Variants in FOCAD observed in about 807,000 individuals in gnomAD.
The protein encoded by FOCAD is focadhesin.
Under a neutral mutation model 225.6 loss-of-function variants are expected in FOCAD, and 198 were observed. The observed-to-expected ratio is 0.88, with a 90% CI of 0.78 to 0.99. The LOEUF is 0.99. FOCAD is among the 50% of genes least tolerant of loss of function. FOCAD has a pLI of 0.00. For missense variants in FOCAD, 2,713 were observed against 2,123.6 expected, an observed-to-expected ratio of 1.28 and a Z score of -5.46; for synonymous variants, 897 against 755.0, an observed-to-expected ratio of 1.19 and a Z score of -3.08.
chr9:20,974,173 T>A (rs1840027362), intron 35 of FOCAD, among the ~76,000 whole-genome samples: 2 of 148,212 alleles, frequency 1.3e-5, no homozygotes, highest in Admixed American at 6.7e-5. Context: ...TTTTTCCTGC[T>A]GACTCTTGCT....
In FOCAD at chr9:20,789,473, A is replaced by G. The variant is rs931766601; in HGVS notation, c.1320A>G (p.Ser440=). The change falls in exon 11 of 44, where the codon TCA becomes TCG. Residue 440 remains serine (S), a synonymous_variant. Coordinates refer to ENST00000338382, the MANE Select transcript of FOCAD (RefSeq NM_001375567.1). ...GTGACTGGTTGGCTTCAGTAGAGTCATTGCTTCCTATTACTGCTGTGATCC... is the reference window on the plus strand; with the variant it reads ...GTGACTGGTTGGCTTCAGTAGAGTCGTTGCTTCCTATTACTGCTGTGATCC... ...AASDWLASVE[S]LLPITAVIPA... The G allele has an allele frequency of 3.7e-6, 6 of 1,613,872 alleles. No homozygotes were observed. Among genetic ancestry groups the G allele is most frequent in the Non-Finnish European group, 5.1e-6 (6 of 1,179,986 alleles).
At chr9:20,972,716 C>A (rs1439441971) in intron 35 of FOCAD, among the ~76,000 whole-genome samples, 8 of 152,028 alleles carry the variant, frequency 5.3e-5, no homozygotes, top group African/African-American at 1.9e-4. Flanking sequence ...TCTGTTAATT[C>A]TGTTTCTTTT....
Position 20,832,257 on chromosome 9 carries a change from C to T in FOCAD, c.1920+9142C>T, listed in dbSNP as rs779361217. ...CTATGCTTAACTGTTTTGAGGAATGCCATACTGTTTTCCAGAGTAGCAGTT... is the reference window on the plus strand; with the variant it reads ...CTATGCTTAACTGTTTTGAGGAATGTCATACTGTTTTCCAGAGTAGCAGTT... On this transcript the variant is annotated intron_variant, in intron 15 of 43. Transcript: ENST00000338382. 2.0e-5 allele frequency among the ~76,000 whole-genome samples: 3 copies of T among 151,894 alleles called. No homozygotes were observed. In the South Asian group the frequency reaches 6.2e-4, roughly 32 times the overall value.
At chr9:20,963,160 A>G (rs1430934700) in intron 35 of FOCAD, among the ~76,000 whole-genome samples, 1 of 152,220 alleles carries the variant, frequency 6.6e-6, no homozygotes, top group Non-Finnish European at 1.5e-5. Context: ...ATACTACTCA[A>G]TACTGATTCT....
chr9:20,769,286 C>G (rs575720421), intron 7 of FOCAD, among the ~76,000 whole-genome samples: 5 of 152,312 alleles, frequency 3.3e-5, no homozygotes, highest in Non-Finnish European at 7.4e-5. Context: ...TACTGCCGGT[C>G]AACCGTAGGC....
At chr9:20,832,915 G>A (rs148986446) in intron 15 of FOCAD, among the ~76,000 whole-genome samples, 53 of 152,216 alleles carry the variant, frequency 3.5e-4, no homozygotes, top group African/African-American at 1.2e-3. Context: ...AAACATGAGA[G>A]TGCAGATATC....
chr9:20,664,346 A>G (rs1275026496), intron 2 of FOCAD, among the ~76,000 whole-genome samples: 2 of 150,528 alleles, frequency 1.3e-5, no homozygotes, highest in South Asian at 2.1e-4. Context: ...AAAAGAGGTA[A>G]AAAGTAATAG....
At chr9:20,930,680 G>C (rs572895240) in intron 27 of FOCAD, among the ~76,000 whole-genome samples, 66 of 152,218 alleles carry the variant, frequency 4.3e-4, no homozygotes, top group African/African-American at 1.3e-3. Context: ...ATCATTTTCA[G>C]CTCTTAGAAA....
In FOCAD at chr9:20,874,865, T is replaced by C. The variant is rs946969205; in HGVS notation, c.2317+58T>C. 1.7e-5 allele frequency: 27 copies of C among 1,597,682 alleles called. No homozygotes were observed. In the Middle Eastern group the frequency reaches 1.3e-3, roughly 78 times the overall value. ...TTTTTTAGTGGTTCGATTTGTCTGA[T>C]TGTATTCTTTTGTGATAGGTACATA... On this transcript the variant is annotated intron_variant, in intron 19 of 43. Transcript: ENST00000338382.
chr9:20,668,305 A>G (rs1821954924), intron 2 of FOCAD, among the ~76,000 whole-genome samples: 1 of 152,236 alleles, frequency 6.6e-6, no homozygotes, highest in Non-Finnish European at 1.5e-5. Flanking sequence ...TAGATACAAA[A>G]AGAGAAGCAA....
At chr9:20,758,283 C>A in intron 6 of FOCAD, 92 bp downstream of exon 6, 1 of 785,976 alleles carries the variant, frequency 1.3e-6, no homozygotes, top group Non-Finnish European at 2.0e-6. Context: ...TTGTTTGTTT[C>A]TTTTTAGCTG....
intron 11 of FOCAD, among the ~76,000 whole-genome samples, chr9:20,819,052 T>C (rs1207489443): frequency 6.6e-6 from 1 of 152,142 alleles, no homozygotes. Context: ...AAATGAGGAC[T>C]TAGAGGGAAA....
intron 35 of FOCAD, among the ~76,000 whole-genome samples, chr9:20,967,764 T>C (rs890561959): frequency 6.6e-6 from 1 of 152,138 alleles, no homozygotes; most frequent in Non-Finnish European, 1.5e-5. Context: ...TTATTAATGT[T>C]ATATATTACC....
chr9:20,748,217 T>C (rs1246926229), intron 5 of FOCAD, among the ~76,000 whole-genome samples: 1 of 152,082 alleles, frequency 6.6e-6, no homozygotes, highest in Non-Finnish European at 1.5e-5. Flanking sequence ...TTAATTTTAT[T>C]TTTATTTTGC....
intron 36 of FOCAD, among the ~76,000 whole-genome samples, chr9:20,977,152 G>A (rs574771825): frequency 1.3e-5 from 2 of 152,124 alleles, no homozygotes; most frequent in Non-Finnish European, 2.9e-5. Context: ...GCAATAGAGG[G>A]CTAAGATCTT....
intron 35 of FOCAD, among the ~76,000 whole-genome samples, chr9:20,959,645 C>G (rs1838516418): frequency 6.6e-6 from 1 of 151,994 alleles, no homozygotes. Flanking sequence ...ATGTTTTATT[C>G]CTGCAGTTTT....
chr9:20,962,956 C>T (rs1028186557), intron 35 of FOCAD, among the ~76,000 whole-genome samples: 1 of 152,210 alleles, frequency 6.6e-6, no homozygotes, highest in Non-Finnish European at 1.5e-5. Flanking sequence ...CTAAAGATCT[C>T]TGGGGAAGGA....
chr9:20,755,797 G>A (rs796136674), intron 5 of FOCAD, among the ~76,000 whole-genome samples: 3 of 152,184 alleles, frequency 2.0e-5, no homozygotes, highest in African/African-American at 7.2e-5. Context: ...TCCTTTTTAT[G>A]TAGTGAGTGT....
At chr9:20,883,749 A>G (rs995761158) in intron 20 of FOCAD, among the ~76,000 whole-genome samples, 24 of 152,252 alleles carry the variant, frequency 1.6e-4, no homozygotes, top group African/African-American at 5.5e-4. Flanking sequence ...TGCAGCTAAA[A>G]TAGTATTTTT....
Sources: gnomAD v4.1 joint callset for allele counts (sites outside exome capture counted in the v4.1 genomes callset) on GRCh38, gnomAD v4.1.1 for gene constraint, MANE v1.5 for transcripts, NCBI Gene and HGNC (gene_info 2026-07-23, HGNC 2026-07-21) for gene names.